Variants in MRE11 observed in about 807,000 individuals in gnomAD.
MRE11 encodes the protein MRE11 double strand break repair nuclease, also known as double-strand break repair protein MRE11.
Under a neutral mutation model 91.7 loss-of-function variants are expected in MRE11, and 62 were observed. The observed-to-expected ratio is 0.68, with a 90% CI of 0.55 to 0.84. The LOEUF is 0.84. Ranked by LOEUF, MRE11 falls within the 40% of genes least tolerant of loss-of-function variation. MRE11 has a pLI of 0.00. For missense variants in MRE11, 796 were observed against 852.9 expected, an observed-to-expected ratio of 0.93 and a Z score of 0.83; for synonymous variants, 273 against 271.4, an observed-to-expected ratio of 1.01 and a Z score of -0.06.
intron 11 of MRE11, among the ~76,000 whole-genome samples, 165 bp from the exon 12 acceptor site, chr11:94,461,201 A>G (rs941521688): frequency 6.6e-6 from 1 of 152,200 alleles, no homozygotes; most frequent in Non-Finnish European, 1.5e-5. Flanking sequence ...GTTAATAGCC[A>G]CGGTCTTTTC....
At position 94,490,953 on chromosome 11, in the gene MRE11, G is replaced by A. The variant is rs746088302; in HGVS notation, c.33C>T (p.Asn11=). 1.4e-5 allele frequency: 21 copies of A among 1,465,692 alleles called. No individual in the cohort carries two copies. The highest frequency in any genetic ancestry group is 7.0e-5 in the African/African-American group (5 of 71,814). The allele number at this position is 1,465,692 out of a possible 1,614,324, so 90.8% of individuals were successfully genotyped here. A position where few individuals can be genotyped will look rare whatever the true frequency, so the allele number is the denominator to read the frequency against. The change falls in exon 3 of 20, where the codon AAC becomes AAT. Residue 11 remains asparagine (N), a synonymous_variant. Transcript: ENST00000323929. Reference sequence around the variant, plus strand: ...CTGTTGCAACTAATATTTTAAATGTGTTTTCATCATCACTATATTAAGAAA... The same window carrying A: ...CTGTTGCAACTAATATTTTAAATGTATTTTCATCATCACTATATTAAGAAA... MSTADALDDE[N]TFKILVATDI... is the part of the protein sequence containing the mutation.
intron 10 of MRE11, among the ~76,000 whole-genome samples, chr11:94,466,217 A>T (rs1946558908): frequency 6.6e-6 from 1 of 152,202 alleles, no homozygotes; most frequent in African/African-American, 2.4e-5. Context: ...ATGCTAACCT[A>T]AAAAAGTTTA....
In MRE11 at chr11:94,419,464, G is replaced by GA. The variant is rs1461220326; in HGVS notation, c.*660_*661insT. 1.3e-3 allele frequency: 286 copies of GA among 221,898 alleles called. 2 individuals carry two copies. The highest frequency in any genetic ancestry group is 6.3e-3 in the African/African-American group (263 of 41,936). The allele number at this position is 221,898 out of a possible 1,614,324, so 13.7% of individuals were successfully genotyped here. A position where few individuals can be genotyped will look rare whatever the true frequency, so the allele number is the denominator to read the frequency against. ...GGAAGAGTGGGGAACGGGGGGGAGA[G>GA]GGAGAGAGAGAGAGAGAGAGAGAGA... On this transcript the variant is annotated 3_prime_UTR_variant, in exon 20 of 20. Transcript: ENST00000323929.
intron 19 of MRE11, among the ~76,000 whole-genome samples, chr11:94,425,258 T>G (rs1945281298): frequency 6.6e-6 from 1 of 152,264 alleles, no homozygotes; most frequent in African/African-American, 2.4e-5. Context: ...CTAAGCTTCA[T>G]AAGCAAAGGA....
At chr11:94,442,365 A>C (rs1389755225) in intron 16 of MRE11, among the ~76,000 whole-genome samples, 1 of 152,218 alleles carries the variant, frequency 6.6e-6, no homozygotes, top group Non-Finnish European at 1.5e-5. Context: ...TCTTAATTAC[A>C]GTGGAAACTC....
At position 94,464,231 on chromosome 11, in the gene MRE11, A is replaced by G. The variant is rs781643712; in HGVS notation, c.1107T>C (p.Tyr369=). ...EKPLVRLRVD[Y]SGGFEPFSVL... The stretch of plus-strand genomic sequence containing the variant: ...CACTGAAAGGTTCAAAACCTCCACT[A>G]TAGTCCACCTGAAAACACAGAATAA... Residue 369 remains tyrosine (Y), a synonymous_variant, in exon 11 of 20, where the codon TAT becomes TAC. Transcript: ENST00000323929. 1.9e-6 allele frequency: 3 copies of G among 1,613,776 alleles called. No individual in the cohort carries two copies. Among genetic ancestry groups the G allele is most frequent in the East Asian group, 2.2e-5 (1 of 44,816 alleles).
At chr11:94,506,156 T>G in the MRE11 span, among the ~76,000 whole-genome samples, 3 of 152,118 alleles carry the variant, frequency 2.0e-5, no homozygotes, top group Admixed American at 2.0e-4. Context: ...CCTGGATTTT[T>G]TTTCATTCTG....
the MRE11 span, among the ~76,000 whole-genome samples, chr11:94,512,018 T>C: frequency 6.6e-6 from 1 of 152,260 alleles, no homozygotes; most frequent in Non-Finnish European, 1.5e-5. Context: ...TCACGTTGCG[T>C]GTGTGTAGCA....
chr11:94,465,974 C>A (rs570445103), intron 10 of MRE11, among the ~76,000 whole-genome samples: 12 of 151,966 alleles, frequency 7.9e-5, no homozygotes, highest in African/African-American at 2.9e-4. Context: ...GAGGTATGTA[C>A]AAAGTTGGAT....
rs970200161 is a variant in MRE11, at chr11:94,432,546, T to C, written c.1995-2560A>G. On this transcript the variant is annotated intron_variant, in intron 18 of 19. Transcript: ENST00000323929. ...TATCTGGGACGAGCACGGTGGCTCA[T>C]GCCTGTAATCCCAGCACTTGGGAGG... Among the ~76,000 whole-genome samples the C allele has an allele frequency of 7.2e-5, 11 of 152,326 alleles. No individual in the cohort carries two copies. The East Asian group carries it at 9.7e-4, about 13-fold the overall frequency.
chr11:94,473,054 G>A (rs1946758804), intron 7 of MRE11: 1 of 152,078 alleles, frequency 6.6e-6, no homozygotes, highest in South Asian at 2.1e-4. Flanking sequence ...AGAGAACTGA[G>A]ATGAAGCATC....
intron 18 of MRE11, among the ~76,000 whole-genome samples, chr11:94,430,347 CT>C (rs1424801858): frequency 6.6e-6 from 1 of 152,072 alleles, no homozygotes; most frequent in Non-Finnish European, 1.5e-5. Context: ...ACAATACTTA[CT>C]TATATTATTA....
chr11:94,468,461 G>C (rs1172744929), intron 9 of MRE11, among the ~76,000 whole-genome samples: 2 of 152,172 alleles, frequency 1.3e-5, no homozygotes, highest in Admixed American at 6.6e-5. Flanking sequence ...GACAGCACTA[G>C]ATTATTTTCA....
intron 14 of MRE11, among the ~76,000 whole-genome samples, chr11:94,455,003 T>G (rs1946210260): frequency 6.6e-6 from 1 of 152,186 alleles, no homozygotes; most frequent in Non-Finnish European, 1.5e-5. Flanking sequence ...TTTCCTTAGC[T>G]TCCAAAAAAC....
chr11:94,458,735 A>C (rs1047451184), intron 13 of MRE11, among the ~76,000 whole-genome samples: 1 of 152,160 alleles, frequency 6.6e-6, no homozygotes, highest in Non-Finnish European at 1.5e-5. Flanking sequence ...AATTTGACAA[A>C]CAAAAGATGT....
chr11:94,461,186 T>G (rs1385517823), intron 11 of MRE11, 150 bp from the exon 12 acceptor site: 2 of 642,120 alleles, frequency 3.1e-6, no homozygotes, highest in African/African-American at 3.7e-5. Flanking sequence ...AAACAAGCCA[T>G]TTTTGTTAAT....
chr11:94,488,398 T>C (rs949632326), intron 3 of MRE11, among the ~76,000 whole-genome samples: 9 of 152,192 alleles, frequency 5.9e-5, no homozygotes, highest in Non-Finnish European at 1.0e-4. Context: ...AGTGTGACGA[T>C]TCTTCAAAGA....
chr11:94,452,619 T>C (rs1387729000), intron 14 of MRE11, among the ~76,000 whole-genome samples: 1 of 152,220 alleles, frequency 6.6e-6, no homozygotes, highest in African/African-American at 2.4e-5. Flanking sequence ...TGTATCTTCA[T>C]TTTTATCATC....
Position 94,471,618 on chromosome 11 carries a change from T to C in MRE11, c.801A>G (p.Gly267=), listed in dbSNP as rs769856404. The change falls in exon 8 of 20, where the codon GGA becomes GGG. Residue 267 remains glycine, a synonymous_variant. Transcript: ENST00000323929. ...GGGAAAGAGAAGTAACCACTGAGCT[T>C]CCAGGTTGTGAGATATAAAACAGCT... The part of the protein sequence containing the change: ...EQQLFYISQP[G]SSVVTSLSPG... 3.7e-6 allele frequency: 6 copies of C among 1,612,780 alleles called. No homozygotes were observed. The highest frequency in any genetic ancestry group is 4.2e-6 in the Non-Finnish European group (5 of 1,179,110).
Sources: gnomAD v4.1 joint callset for allele counts (sites outside exome capture counted in the v4.1 genomes callset) on GRCh38, gnomAD v4.1.1 for gene constraint, MANE v1.5 for transcripts, NCBI Gene and HGNC (gene_info 2026-07-23, HGNC 2026-07-21) for gene names.